The following AKNA variants were observed in gnomAD, a reference collection of about 807,000 sequenced individuals.
AKNA encodes the protein microtubule organization protein AKNA.
In AKNA, 67 loss-of-function variants were observed where a neutral mutation model predicts 138.8. That is an observed-to-expected ratio of 0.48 (90% confidence interval 0.40 to 0.59). The LOEUF is 0.59. AKNA is among the 20% of genes least tolerant of loss of function. The pLI, the probability that AKNA is intolerant of heterozygous loss-of-function variation, is 0.00. For synonymous variants in AKNA, 737 were observed against 754.4 expected, an observed-to-expected ratio of 0.98 and a Z score of 0.38; for missense variants, 1,813 against 1,880.4, an observed-to-expected ratio of 0.96 and a Z score of 0.66.
rs747617345 is a variant in AKNA at position 114,350,876 on chromosome 9, G to C, written c.3204C>G (p.Leu1068=). The part of the protein sequence containing the change: ...GPTETIPSFL[L]TRAGRDQAIC... ...TAACTTACTCTCGCCCTGCCCTGGT[G>C]AGCAGGAAGCTGGGGATGGTCTCTG... Residue 1068 remains leucine (L), a synonymous_variant, in exon 15 of 22, where the codon CTC becomes CTG. Transcript: ENST00000374088. The C allele has an allele frequency of 1.9e-6, 3 of 1,581,254 alleles. No individual in the cohort carries two copies. Among genetic ancestry groups the C allele is most frequent in the Non-Finnish European group, 2.6e-6 (3 of 1,163,682 alleles).
intron 6 of AKNA, among the ~76,000 whole-genome samples, chr9:114,366,407 CTA>C (rs1365967978): frequency 1.3e-5 from 2 of 152,098 alleles, no homozygotes; most frequent in East Asian, 1.9e-4. Flanking sequence ...GAATCTATTG[CTA>C]TGAGACATCC....
At chr9:114,359,465 C>T (rs754891658) in intron 11 of AKNA, 129 bp downstream of exon 11, 40 of 1,546,038 alleles carry the variant, frequency 2.6e-5, no homozygotes, top group Non-Finnish European at 3.3e-5. Context: ...ATACATTCCA[C>T]ACTTGAAGAG....
At chr9:114,331,671 T>C (rs141873690), downstream of AKNA, 12 of 1,613,062 alleles carry the variant, frequency 7.4e-6, no homozygotes, top group Non-Finnish European at 1.0e-5. Flanking sequence ...GCTGTCTTTC[T>C]ATGGTAGGCA....
At chr9:114,369,931 C>T (rs1185456657) in intron 4 of AKNA, among the ~76,000 whole-genome samples, 1 of 152,208 alleles carries the variant, frequency 6.6e-6, no homozygotes, top group Non-Finnish European at 1.5e-5. Flanking sequence ...TCACCATCAC[C>T]GTTATCGTCA....
intron 11 of AKNA, chr9:114,358,487 C>T (rs1831669373): frequency 2.9e-6 from 1 of 341,390 alleles, no homozygotes; most frequent in East Asian, 6.7e-5. Context: ...CCATAAACTT[C>T]CATCTACTCC....
Position 114,376,572 on chromosome 9 carries a change from C to T in AKNA, c.1235G>A (p.Gly412Glu). The change falls in exon 3 of 22, where the codon GGA becomes GAA. Residue 412 changes from glycine to glutamate, a missense_variant. By Grantham distance (98) the Gly-to-Glu change is moderately conservative. Coordinates refer to ENST00000374088, the MANE Select transcript of AKNA (RefSeq NM_001317950.2). ...CGTGTCCTTTGCCAGGGCTGCTTCT[C>T]CACTGCTCAACAGCACCTCCTGCAC... ...EIVQEVLLSS[G>E]EAALAKDTPP... The T allele has an allele frequency of 1.9e-6, 3 of 1,614,094 alleles. No homozygotes were observed. Among genetic ancestry groups the T allele is most frequent in the Non-Finnish European group, 2.5e-6 (3 of 1,180,004 alleles).
chr9:114,367,804 C>T (rs1832474105), intron 5 of AKNA, 107 bp from the exon 6 acceptor site: 1 of 1,283,936 alleles, frequency 7.8e-7, no homozygotes, highest in Admixed American at 2.7e-5. Context: ...AGTTATAGCT[C>T]AGTCACCATG....
upstream of AKNA, among the ~76,000 whole-genome samples, chr9:114,389,803 C>T (rs1366310208): frequency 6.6e-6 from 1 of 152,196 alleles, no homozygotes; most frequent in Non-Finnish European, 1.5e-5. Flanking sequence ...AATGAGTGGA[C>T]GTTCCCAAGG....
At position 114,342,143 on chromosome 9, in the gene AKNA, G is replaced by T. The variant is rs377510526; in HGVS notation, c.3758-18C>A. 8 of 1,528,700 alleles carry T rather than the reference G, an allele frequency of 5.2e-6. No homozygotes were observed. The highest frequency in any genetic ancestry group is 6.2e-6 in the Non-Finnish European group (7 of 1,130,770). 94.7% of individuals were successfully genotyped at this position (1,528,700 alleles called of 1,614,324 possible). A position where few individuals can be genotyped will look rare whatever the true frequency, so the allele number is the denominator to read the frequency against. On this transcript the variant is annotated intron_variant, in intron 19 of 21. Transcript: ENST00000374088. ...AGCACCACCTAGAAGAGGAGGAAGA[G>T]ATGTCAGGGGAGGATTACATCTAAA...
upstream of AKNA, among the ~76,000 whole-genome samples, chr9:114,388,546 T>A (rs1834204218): frequency 6.6e-6 from 1 of 152,064 alleles, no homozygotes; most frequent in South Asian, 2.1e-4. Flanking sequence ...GCAGCCAGAG[T>A]GGGATGTTCG....
chr9:114,337,255 C>T lies in AKNA; in HGVS notation c.4119G>A (p.Pro1373=), dbSNP rs375027878. 5.6e-5 allele frequency: 87 copies of T among 1,550,616 alleles called. No individual in the cohort carries two copies. Among genetic ancestry groups the T allele is most frequent in the African/African-American group, 5.3e-4 (39 of 73,178 alleles). ...GGGCTGGTGGGGGAGAGGCTGTGGG[C>T]GGCCACTTGGCAGCTGGTTGGGCTG... ...PTSAQPAAKW[P]PTASPPPARR... The change falls in exon 22 of 22, where the codon CCG becomes CCA. Residue 1373 remains proline (P), a synonymous_variant. Coordinates refer to ENST00000374088, the MANE Select transcript of AKNA (RefSeq NM_001317950.2).
intron 1 of AKNA, among the ~76,000 whole-genome samples, chr9:114,382,683 G>A (rs939063871): frequency 1.3e-5 from 2 of 151,774 alleles, no homozygotes; most frequent in Non-Finnish European, 2.9e-5. Flanking sequence ...ACATGCTACA[G>A]TATAGATGAA....
chr9:114,342,209 T>A (rs1158167976), intron 19 of AKNA, 84 bp from the exon 20 acceptor site: 4 of 1,025,228 alleles, frequency 3.9e-6, no homozygotes, highest in Non-Finnish European at 5.6e-6. Flanking sequence ...TCTGCAGCAC[T>A]GAGCTCTCCT....
chr9:114,331,909 A>G (rs2636890), downstream of AKNA: 180 of 1,613,602 alleles, frequency 1.1e-4, no homozygotes, highest in African/African-American at 1.2e-3. Flanking sequence ...GTCAGATGTC[A>G]TGTACACCGA....
rs1273464915 is a variant in AKNA, at chr9:114,377,188, T to A, written c.619A>T (p.Ser207Cys). ...AGGCTGTCACTAGGGTGGTCGAGGCTCACTGTCCCACTGCTCCAGGACCTT... is the reference window on the plus strand; with the variant it reads ...AGGCTGTCACTAGGGTGGTCGAGGCACACTGTCCCACTGCTCCAGGACCTT... ...PARSWSSGTV[S>C]LDHPSDSLDS... The change falls in exon 3 of 22, where the codon AGC becomes TGC. Residue 207 changes from serine to cysteine, a missense_variant. Coordinates refer to ENST00000374088, the MANE Select transcript of AKNA (RefSeq NM_001317950.2). 1 of 1,614,176 alleles carries A rather than the reference T, an allele frequency of 6.2e-7. No individual in the cohort carries two copies. Among genetic ancestry groups the A allele is most frequent in the East Asian group, 2.2e-5 (1 of 44,876 alleles).
At chr9:114,380,855 T>C (rs943939848) in intron 2 of AKNA, among the ~76,000 whole-genome samples, 10 of 149,814 alleles carry the variant, frequency 6.7e-5, no homozygotes, top group South Asian at 6.3e-4. Context: ...TGGTGGCGCA[T>C]GCCTGTAATC....
rs1309709114 is a variant in AKNA, at chr9:114,347,724, C to A, written c.3398G>T (p.Ser1133Ile). The change falls in exon 16 of 22, where the codon AGT (serine) becomes ATT (isoleucine). Residue 1133 changes from serine to isoleucine, a missense_variant and splice_region_variant. Transcript: ENST00000374088. ...SPATWGSHYG[S>I]KSTERLPGEP... The stretch of plus-strand genomic sequence containing the variant: ...AGGTGGGAGTTTTGAGGTCACCCAC[C>A]TGCCATAATGGGAGCCCCAGGTGGC... 6.6e-7 allele frequency: 1 copy of A among 1,519,982 alleles called. No homozygotes were observed. Among genetic ancestry groups the A allele is most frequent in the Non-Finnish European group, 8.8e-7 (1 of 1,132,566 alleles). 94.2% of individuals were successfully genotyped at this position (1,519,982 alleles called of 1,614,324 possible).
chr9:114,364,614 C>T lies in AKNA; in HGVS notation c.1734G>A (p.Glu578=), dbSNP rs775350047. 2 of 1,614,004 alleles carry T rather than the reference C, an allele frequency of 1.2e-6. No homozygotes were observed. The highest frequency in any genetic ancestry group is 1.3e-5 in the African/African-American group (1 of 75,042). Residue 578 remains glutamate (E), a synonymous_variant, in exon 7 of 22, where the codon GAG becomes GAA. Transcript: ENST00000374088. ...CTGCCTGTATCAGTCTTTCAAAGGA[C>T]TCCACCTGGACATTGGGAGGGGAAG... is the stretch of plus-strand genomic sequence containing the variant. ...SQASQFLAKV[E]SFERLIQAGR...
chr9:114,384,303 G>C (rs1000028383), intron 1 of AKNA, among the ~76,000 whole-genome samples: 1 of 152,190 alleles, frequency 6.6e-6, no homozygotes, highest in Non-Finnish European at 1.5e-5. Flanking sequence ...AGGTACAGCG[G>C]CTCACACCTG....
Sources: allele counts gnomAD v4.1 joint callset (sites outside exome capture counted in the v4.1 genomes callset), GRCh38; gene constraint gnomAD v4.1.1; transcripts MANE v1.5; gene names NCBI Gene and HGNC (gene_info 2026-07-23, HGNC 2026-07-21).